The following KCNQ5 variants were observed in gnomAD, a reference collection of about 807,000 sequenced individuals.
The protein encoded by KCNQ5 is potassium voltage-gated channel subfamily Q member 5.
KCNQ5 carries 30 observed loss-of-function variants against 98.2 expected under a neutral mutation model. The ratio of observed to expected loss-of-function variants is 0.31; its 90% CI spans 0.23 to 0.41. The LOEUF (loss-of-function observed/expected upper bound fraction) is 0.41. Among genes scored for constraint, KCNQ5 ranks in the 10% least tolerant of loss-of-function variants. The pLI, the probability that KCNQ5 is intolerant of heterozygous loss-of-function variation, is 1.00. For missense variants in KCNQ5, 835 were observed against 1,182.5 expected (o/e 0.71, Z 4.31); for synonymous variants, 458 against 449.4 (o/e 1.02, Z -0.24).
chr6:72,628,803 G>A (rs2098919307), intron 1 of KCNQ5, among the ~76,000 whole-genome samples: 1 of 151,984 alleles, frequency 6.6e-6, no homozygotes, highest in Non-Finnish European at 1.5e-5. Flanking sequence ...AGTAGAGATG[G>A]GGTTTCGCTA....
chr6:72,632,644 T>A (rs2098921657), intron 1 of KCNQ5, among the ~76,000 whole-genome samples: 2 of 152,186 alleles, frequency 1.3e-5, no homozygotes, highest in South Asian at 4.1e-4. Flanking sequence ...ATGTGCTTAG[T>A]ATTTATCTTC....
chr6:73,045,898 C>T (rs1472534553), intron 3 of KCNQ5, among the ~76,000 whole-genome samples: 4 of 152,034 alleles, frequency 2.6e-5, no homozygotes, highest in Non-Finnish European at 5.9e-5. Flanking sequence ...CTTGGATCTG[C>T]ATTTGATGCT....
At chr6:72,785,774 G>T (rs1425299438) in intron 1 of KCNQ5, among the ~76,000 whole-genome samples, 1 of 151,998 alleles carries the variant, frequency 6.6e-6, no homozygotes, top group Non-Finnish European at 1.5e-5. Flanking sequence ...TTAACATTTA[G>T]CCTTCAAGTT....
rs1765738668 is a variant in KCNQ5, at chr6:73,195,093, G to C, written c.2478G>C (p.Leu826Phe). Reference sequence around the variant, plus strand: ...TCTGTCCCATGGTGCCGAAGGACTTGGGCAAATCTTTGTCTGTGCAAAACC... The same window carrying C: ...TCTGTCCCATGGTGCCGAAGGACTTCGGCAAATCTTTGTCTGTGCAAAACC... ...LSVCPMVPKD[L>F]GKSLSVQNLI... Residue 826 changes from leucine to phenylalanine, a missense_variant, in exon 14 of 14, where the codon TTG (leucine) becomes TTC (phenylalanine). This residue lies in a region of KCNQ5 where 416 missense variants were observed against 446.9 expected (regional missense o/e 0.93). Coordinates refer to ENST00000370398, the MANE Select transcript of KCNQ5 (RefSeq NM_019842.4). 3.7e-6 allele frequency: 6 copies of C among 1,614,190 alleles called. No homozygotes were observed. Among genetic ancestry groups the C allele is most frequent in the Non-Finnish European group, 5.1e-6 (6 of 1,180,030 alleles).
In KCNQ5 at chr6:72,960,910, C is replaced by G. The variant is rs938915967; in HGVS notation, c.399-42998C>G. Among the ~76,000 whole-genome samples the G allele has an allele frequency of 3.3e-5, 5 of 152,158 alleles. No homozygotes were observed. In the East Asian group the frequency reaches 9.7e-4, roughly 29 times the overall value. On this transcript the variant is annotated intron_variant, in intron 1 of 13. Coordinates refer to ENST00000370398, the MANE Select transcript of KCNQ5 (RefSeq NM_019842.4). The stretch of plus-strand genomic sequence containing the variant: ...GGAGGATCATTTAAGCCCAGGAATT[C>G]GAGGCTGCAGTGAGCTGTGATCACA...
At chr6:73,020,326 C>A (rs189574641) in intron 2 of KCNQ5, among the ~76,000 whole-genome samples, 1 of 152,276 alleles carries the variant, frequency 6.6e-6, no homozygotes, top group East Asian at 1.9e-4. Context: ...GCTGGAATGG[C>A]TCACAGAACT....
At chr6:72,800,837 A>G (rs1249373684) in intron 1 of KCNQ5, among the ~76,000 whole-genome samples, 2 of 152,156 alleles carry the variant, frequency 1.3e-5, no homozygotes, top group East Asian at 3.9e-4. Flanking sequence ...CTTTGTTCTC[A>G]TTGGTTTCAA....
intron 1 of KCNQ5, among the ~76,000 whole-genome samples, chr6:72,901,996 A>G (rs1054996766): frequency 3.3e-5 from 5 of 152,050 alleles, no homozygotes; most frequent in African/African-American, 1.2e-4. Context: ...ATATGTTTTC[A>G]TTTGTGTGTA....
chr6:72,622,129 A>T lies in KCNQ5; in HGVS notation c.-61A>T. ...TCCTCCTTGAAACCCGCCGGCGCAC[A>T]TGAGGCCGCTGCCCCCGCCGCAGGC... is the stretch of plus-strand genomic sequence containing the variant. On this transcript the variant is annotated 5_prime_UTR_variant, in exon 1 of 14. It removes an upstream start codon present in the reference 5' UTR. Transcript: ENST00000370398. The surrounding 1 kb of genome is among the most constrained non-coding windows in gnomAD (Gnocchi z 6.0). 2 of 1,192,254 alleles carry T rather than the reference A, an allele frequency of 1.7e-6. No individual in the cohort carries two copies. The highest frequency in any genetic ancestry group is 4.3e-5 in the South Asian group (1 of 23,380). 73.9% of individuals were successfully genotyped at this position (1,192,254 alleles called of 1,614,324 possible).
At position 72,751,357 on chromosome 6, in the gene KCNQ5, C is replaced by T. The variant is rs192504787; in HGVS notation, c.398+128770C>T. Among the ~76,000 whole-genome samples, 23 of 151,358 alleles carry T rather than the reference C, an allele frequency of 1.5e-4. No individual in the cohort carries two copies. The East Asian group carries it at 3.9e-3, about 26-fold the overall frequency. ...GAAAATAAGAGATGAAAACATAAGTCGAAGCCAGATTTGAGAAAGCTTAAA... is the reference window on the plus strand; with the variant it reads ...GAAAATAAGAGATGAAAACATAAGTTGAAGCCAGATTTGAGAAAGCTTAAA... On this transcript the variant is annotated intron_variant, in intron 1 of 13. Transcript: ENST00000370398.
In KCNQ5 at chr6:73,188,044, G is replaced by A. The variant is rs572868512; in HGVS notation, c.1578-2529G>A. On this transcript the variant is annotated intron_variant, in intron 11 of 13. Transcript: ENST00000370398. Reference sequence around the variant, plus strand: ...CACAAATGTGTGAGCTACAGCCAGAGAGAACACACTGACGTATGCTGTAGC... The same window carrying A: ...CACAAATGTGTGAGCTACAGCCAGAAAGAACACACTGACGTATGCTGTAGC... 6.6e-5 allele frequency among the ~76,000 whole-genome samples: 10 copies of A among 152,318 alleles called. No homozygotes were observed. In the East Asian group the frequency reaches 1.9e-3, roughly 29 times the overall value.
intron 1 of KCNQ5, among the ~76,000 whole-genome samples, chr6:72,871,993 A>G (rs999002298): frequency 1.3e-5 from 2 of 152,218 alleles, no homozygotes; most frequent in African/African-American, 4.8e-5. Flanking sequence ...AAACAAAAAC[A>G]AAGAAAGAAA....
intron 1 of KCNQ5, among the ~76,000 whole-genome samples, chr6:72,837,128 A>G (rs1242290769): frequency 6.6e-6 from 1 of 152,232 alleles, no homozygotes; most frequent in East Asian, 1.9e-4. Context: ...CCACTATTAC[A>G]TCAAATTTTC....
intron 1 of KCNQ5, among the ~76,000 whole-genome samples, chr6:72,698,505 TTTTG>T (rs1270063472): frequency 1.3e-5 from 2 of 151,976 alleles, no homozygotes; most frequent in East Asian, 3.9e-4. Context: ...ACCTGGCTTG[TTTTG>T]TTTGTTTGTT....
intron 2 of KCNQ5, among the ~76,000 whole-genome samples, chr6:73,025,328 T>C (rs1209595597): frequency 1.3e-5 from 2 of 151,958 alleles, no homozygotes; most frequent in African/African-American, 2.4e-5. Flanking sequence ...AACTTATAAA[T>C]AAAAACACTT....
chr6:72,634,722 C>A (rs1020497038), intron 1 of KCNQ5, among the ~76,000 whole-genome samples: 4 of 152,020 alleles, frequency 2.6e-5, no homozygotes, highest in Non-Finnish European at 1.5e-5. Context: ...CCCGCCACCA[C>A]GCCTGGCTAA....
At chr6:72,808,846 A>T (rs1268813419) in intron 1 of KCNQ5, among the ~76,000 whole-genome samples, 1 of 152,020 alleles carries the variant, frequency 6.6e-6, no homozygotes, top group Non-Finnish European at 1.5e-5. Flanking sequence ...TTCCTCAGGG[A>T]TCTAGAACTA....
chr6:73,158,110 G>C (rs1266478894), intron 10 of KCNQ5: 3 of 456,474 alleles, frequency 6.6e-6, no homozygotes, highest in Admixed American at 6.2e-5. Flanking sequence ...TGCTGCCGCC[G>C]CGCTCGCCCT....
At chr6:72,749,956 A>G (rs1238027167) in intron 1 of KCNQ5, among the ~76,000 whole-genome samples, 4 of 152,158 alleles carry the variant, frequency 2.6e-5, no homozygotes, top group Non-Finnish European at 5.9e-5. Flanking sequence ...AAAAGCAAAA[A>G]CCTTTTTTAA....
Sources: allele counts gnomAD v4.1 joint callset (sites outside exome capture counted in the v4.1 genomes callset), GRCh38; gene constraint gnomAD v4.1.1; regional missense constraint gnomAD v4.1.1; non-coding constraint Gnocchi (gnomAD v3.1); transcripts MANE v1.5; gene names NCBI Gene and HGNC (gene_info 2026-07-23, HGNC 2026-07-21).